CDC42BPG: variants seen among roughly 807,000 people sequenced by gnomAD.
CDC42BPG encodes serine/threonine-protein kinase MRCK gamma.
A neutral mutation model predicts 192.2 loss-of-function variants in CDC42BPG; 157 were observed. That is an observed-to-expected ratio of 0.82 (90% CI 0.72 to 0.93). The LOEUF (loss-of-function observed/expected upper bound fraction) is 0.93. Ranked by LOEUF, CDC42BPG falls within the 40% of genes least tolerant of loss-of-function variation. The pLI, the probability that CDC42BPG is intolerant of heterozygous loss-of-function variation, is 0.00. For synonymous variants in CDC42BPG, 981 were observed against 918.5 expected (o/e 1.07, Z -1.23); for missense variants, 1,992 against 2,122.1 (o/e 0.94, Z 1.20).
chr11:64,834,714 G>A lies in CDC42BPG; in HGVS notation c.2175+135C>T, dbSNP rs1942888704. On this transcript the variant is annotated intron_variant, in intron 18 of 36. Transcript: ENST00000342711. Reference sequence around the variant, plus strand: ...CAGCTCAGCCAATGACCCACTGTGAGCTCAGGGAAATCACTATCTCTCATG... The same window carrying A: ...CAGCTCAGCCAATGACCCACTGTGAACTCAGGGAAATCACTATCTCTCATG... 36 of 1,343,760 alleles carry A rather than the reference G, an allele frequency of 2.7e-5. No individual in the cohort carries two copies. In the South Asian group the frequency reaches 5.0e-4, roughly 19 times the overall value. The allele number at this position is 1,343,760 out of a possible 1,614,324, so 83.2% of individuals were successfully genotyped here. A position where few individuals can be genotyped will look rare whatever the true frequency, so the allele number is the denominator to read the frequency against.
rs780989210 is a variant in CDC42BPG at position 64,827,784 on chromosome 11, CT to C, written c.3968-2del. 1 of 1,602,262 alleles carries C rather than the reference CT, an allele frequency of 6.2e-7. No homozygotes were observed. Among genetic ancestry groups the C allele is most frequent in the Non-Finnish European group, 8.5e-7 (1 of 1,173,774 alleles). Reference sequence around the variant, plus strand: ...ACTGTCAGGTAGGGGGCCGCATACCCTGCGGGCACGCCAGGCACCTCTGAGC... The same window carrying C: ...ACTGTCAGGTAGGGGGCCGCATACCCGCGGGCACGCCAGGCACCTCTGAGC... On this transcript the variant is annotated splice_acceptor_variant, in intron 30 of 36. Transcript: ENST00000342711. LOFTEE classifies it high-confidence loss of function.
At position 64,836,071 on chromosome 11, in the gene CDC42BPG, T is replaced by C; in HGVS notation, c.1668+46A>G. 2.0e-6 allele frequency: 3 copies of C among 1,537,336 alleles called. No individual in the cohort carries two copies. In the South Asian group the frequency reaches 3.7e-5, roughly 19 times the overall value. Reference sequence around the variant, plus strand: ...CTCCCCATGCTCCCTCCAGGCACACTGGGGGCAGGGCCCAGGTGCTGTCCC... The same window carrying C: ...CTCCCCATGCTCCCTCCAGGCACACCGGGGGCAGGGCCCAGGTGCTGTCCC... On this transcript the variant is annotated intron_variant, in intron 13 of 36. Transcript: ENST00000342711.
At chr11:64,838,057 A>G (rs1350104125) in intron 9 of CDC42BPG, 26 bp downstream of exon 9, 1 of 1,544,932 alleles carries the variant, frequency 6.5e-7, no homozygotes, top group Non-Finnish European at 8.8e-7. Context: ...CGAGCCTCCC[A>G]CCAGGTGTGT....
In CDC42BPG at chr11:64,835,425, G is replaced by A; in HGVS notation, c.1881-6C>T. The stretch of plus-strand genomic sequence containing the variant: ...CCTCCTCCTTACCACTCGGCCTGGG[G>A]AGGAGAAGGCCAAGGCCGTGACTCA... On this transcript the variant is annotated splice_region_variant and splice_polypyrimidine_tract_variant and intron_variant, in intron 15 of 36. Transcript: ENST00000342711. 1 of 1,613,352 alleles carries A rather than the reference G, an allele frequency of 6.2e-7. No individual in the cohort carries two copies. Among genetic ancestry groups the A allele is most frequent in the Non-Finnish European group, 8.5e-7 (1 of 1,179,998 alleles).
In CDC42BPG at chr11:64,844,634, G is replaced by A; in HGVS notation, c.-65C>T. 1 of 1,193,160 alleles carries A rather than the reference G, an allele frequency of 8.4e-7. No individual in the cohort carries two copies. Among genetic ancestry groups the A allele is most frequent in the Non-Finnish European group, 1.0e-6 (1 of 953,784 alleles). 73.9% of individuals were successfully genotyped at this position (1,193,160 alleles called of 1,614,324 possible). ...CGCCCGCATGCCCGCCTGTCGGGCC[G>A]TCCGTCCGCCCAACCGTCTGAGGCT... On this transcript the variant is annotated 5_prime_UTR_variant, in exon 1 of 37. It adds an upstream start codon to the 5' untranslated region. Coordinates refer to ENST00000342711, the MANE Select transcript of CDC42BPG (RefSeq NM_017525.3).
At chr11:64,839,438 C>CTCCCA (rs1565696941) in intron 6 of CDC42BPG, 40 bp downstream of exon 6, 35 of 1,583,002 alleles carry the variant, frequency 2.2e-5, no homozygotes, top group Non-Finnish European at 1.1e-5. Flanking sequence ...GCTTGGCCCG[C>CTCCCA]CTTGTATCCC....
At chr11:64,826,897 G>A in intron 34 of CDC42BPG, 103 bp from the exon 35 acceptor site, 1 of 1,337,122 alleles carries the variant, frequency 7.5e-7, no homozygotes, top group Non-Finnish European at 1.0e-6. Context: ...TGGGCCCCCA[G>A]CCTGGTTTTA....
chr11:64,834,468 C>T lies in CDC42BPG; in HGVS notation c.2285G>A (p.Arg762Gln), dbSNP rs754696289. The change falls in exon 19 of 37, where the codon CGG becomes CAG. Residue 762 changes from arginine to glutamine, a missense_variant. Arg to Gln is a conservative substitution (Grantham distance 43). Transcript: ENST00000342711. Reference sequence around the variant, plus strand: ...CTGGGCCTCCTGCACCTGTGTCAGCCGCTCCTGCAGGCCCTGCTTGGCGCG... The same window carrying T: ...CTGGGCCTCCTGCACCTGTGTCAGCTGCTCCTGCAGGCCCTGCTTGGCGCG... ...EIRAKQGLQE[R>Q]LTQVQEAQLQ... 10 of 1,569,054 alleles carry T rather than the reference C, an allele frequency of 6.4e-6. No homozygotes were observed. In the African/African-American group the frequency reaches 9.5e-5, roughly 15 times the overall value.
chr11:64,835,999 G>A, intron 13 of CDC42BPG, 118 bp downstream of exon 13: 2 of 1,349,574 alleles, frequency 1.5e-6, no homozygotes, highest in Non-Finnish European at 1.0e-6. Context: ...CCATCCCCTG[G>A]CCTAGCCTCT....
In CDC42BPG at chr11:64,829,616, C is replaced by T; in HGVS notation, c.3822G>A (p.Gly1274=). Residue 1274 remains glycine, a synonymous_variant, in exon 30 of 37, where the codon GGG becomes GGA. Coordinates refer to ENST00000342711, the MANE Select transcript of CDC42BPG (RefSeq NM_017525.3). ...CGGCACCCAGTGCCTCACCCAGGCCCCCGCGGGATGGTGGCAGCTCCTCAG... is the reference window on the plus strand; with the variant it reads ...CGGCACCCAGTGCCTCACCCAGGCCTCCGCGGGATGGTGGCAGCTCCTCAG... The part of the protein sequence containing the change: ...LVPEELPPSR[G]GLGEALGAVE... The T allele has an allele frequency of 1.2e-6, 2 of 1,611,804 alleles. No individual in the cohort carries two copies. Among genetic ancestry groups the T allele is most frequent in the East Asian group, 2.2e-5 (1 of 44,828 alleles).
chr11:64,831,613 GCTGCAGCTCACC>G lies in CDC42BPG; in HGVS notation c.3184_3195del (p.Gly1062_Gln1065del), dbSNP rs1415269290. ...CTTGGCCGCGCGTCCAGCAGCAGCC[GCTGCAGCTCACC>G]CAGCACCTGCAGCCAGCGTTCCCGC... On this transcript the variant is annotated inframe_deletion, in exon 28 of 37. Transcript: ENST00000342711. 6.2e-7 allele frequency: 1 copy of G among 1,611,686 alleles called. No individual in the cohort carries two copies. The highest frequency in any genetic ancestry group is 8.5e-7 in the Non-Finnish European group (1 of 1,179,828).
At position 64,836,747 on chromosome 11, in the gene CDC42BPG, C is replaced by CTG. The variant is rs777425324; in HGVS notation, c.1374_1375dup (p.Arg459ThrfsTer7). On this transcript the variant is annotated frameshift_variant, in exon 11 of 37. Transcript: ENST00000342711. LOFTEE classifies it high-confidence loss of function. The stretch of plus-strand genomic sequence containing the variant: ...GTGGGCGGAAGGGATACCTGGCAGC[C>CTG]TGTCCCGCAGAGTCTGCACTTCCTT... The CTG allele has an allele frequency of 2.0e-6, 3 of 1,464,570 alleles. No individual in the cohort carries two copies. In the South Asian group the frequency reaches 3.8e-5, roughly 19 times the overall value. 90.7% of individuals were successfully genotyped at this position (1,464,570 alleles called of 1,614,324 possible).
At chr11:64,834,402 G>C in intron 19 of CDC42BPG, 27 bp downstream of exon 19, 1 of 1,559,652 alleles carries the variant, frequency 6.4e-7, no homozygotes, top group Non-Finnish European at 8.7e-7. Context: ...GCGGGCCCTG[G>C]CCCCCAGTGC....
At chr11:64,834,801 G>C in intron 18 of CDC42BPG, 48 bp downstream of exon 18, 5 of 1,558,092 alleles carry the variant, frequency 3.2e-6, no homozygotes, top group Non-Finnish European at 4.4e-6. Context: ...CTCACGGAAG[G>C]TCAGTGACTT....
chr11:64,824,920 G>A (rs1333506323), intron 36 of CDC42BPG, among the ~76,000 whole-genome samples: 1 of 147,522 alleles, frequency 6.8e-6, no homozygotes, highest in African/African-American at 2.5e-5. Flanking sequence ...GTTAATTTTT[G>A]TTTTTCGTTT....
At chr11:64,832,180 TG>T (rs1162251724) in intron 27 of CDC42BPG, among the ~76,000 whole-genome samples, 1 of 152,144 alleles carries the variant, frequency 6.6e-6, no homozygotes, top group Non-Finnish European at 1.5e-5. Flanking sequence ...GGGAGAGGGC[TG>T]GGAGGCCTGC....
chr11:64,836,319 G>A (rs751726060), intron 12 of CDC42BPG, 23 bp from the exon 13 acceptor site: 21 of 1,608,048 alleles, frequency 1.3e-5, no homozygotes, highest in Admixed American at 5.0e-5. Flanking sequence ...GGGAGGGAGC[G>A]GGGAAGGACA....
Position 64,840,248 on chromosome 11 carries a change from A to G in CDC42BPG, c.453T>C (p.Tyr151=). ...GCAGCGTCAGGAGGTCCCCACCAGC[A>G]TAGTAGTCCATCACAAGGTACTGGA... ...EEYLYLVMDY[Y]AGGDLLTLLS... The change falls in exon 5 of 37, where the codon TAT becomes TAC. Residue 151 remains tyrosine (Y), a synonymous_variant. Coordinates refer to ENST00000342711, the MANE Select transcript of CDC42BPG (RefSeq NM_017525.3). The G allele has an allele frequency of 1.2e-6, 2 of 1,612,338 alleles. No individual in the cohort carries two copies. Among genetic ancestry groups the G allele is most frequent in the South Asian group, 2.2e-5 (2 of 91,088 alleles).
rs769170971 is a variant in CDC42BPG at position 64,839,055 on chromosome 11, T to C, written c.854A>G (p.Tyr285Cys). 6.8e-6 allele frequency: 11 copies of C among 1,613,616 alleles called. No homozygotes were observed. The highest frequency in any genetic ancestry group is 1.7e-5 in the Admixed American group (1 of 60,022). ...PFYAESLVETYGKIMNHEDHL... is the reference protein window; with the variant it reads ...PFYAESLVETCGKIMNHEDHL... The stretch of plus-strand genomic sequence containing the variant: ...GACCTCGTGGTTCATGATCTTGCCG[T>C]AGGTTTCCACCAAGGACTCAGCATA... The change falls in exon 7 of 37, where the codon TAC (tyrosine) becomes TGC (cysteine). Residue 285 changes from tyrosine to cysteine, a missense_variant. Physicochemically the swap from Tyr to Cys is radical, Grantham distance 194 (BLOSUM62 -2). Coordinates refer to ENST00000342711, the MANE Select transcript of CDC42BPG (RefSeq NM_017525.3).
Sources: gnomAD v4.1 joint callset for allele counts (sites outside exome capture counted in the v4.1 genomes callset) on GRCh38, gnomAD v4.1.1 for gene constraint, MANE v1.5 for transcripts, NCBI Gene and HGNC (gene_info 2026-07-23, HGNC 2026-07-21) for gene names.